Variants in ACSL4 observed in about 807,000 individuals in gnomAD.
The protein encoded by ACSL4 is acyl-CoA synthetase long chain family member 4, also known as long-chain-fatty-acid--CoA ligase 4.
Under a neutral mutation model 49.1 loss-of-function variants are expected in ACSL4, and 9 were observed. The ratio of observed to expected loss-of-function variants is 0.18; its 90% CI spans 0.11 to 0.32. The LOEUF (loss-of-function observed/expected upper bound fraction) is 0.32, where lower values mean the gene tolerates loss of function less well. Among genes scored for constraint, ACSL4 ranks in the 10% least tolerant of loss-of-function variants. The pLI is 1.00. For missense variants in ACSL4, 333 were observed against 493.7 expected (o/e 0.67, Z 3.08); for synonymous variants, 191 against 170.3 (o/e 1.12, Z -0.95).
intron 11 of ACSL4, among the ~76,000 whole-genome samples, chrX:109,666,534 A>G (rs1922654062): frequency 1.8e-5 from 2 of 111,847 alleles, no homozygotes; most frequent in African/African-American, 6.5e-5. Context: ...ATCAGGTATC[A>G]AGCAGTGGAT....
At position 109,663,258 on chromosome X, in the gene ACSL4, G is replaced by C. The variant is rs1922320696; in HGVS notation, c.1535C>G (p.Thr512Ser). 2 of 1,209,429 alleles carry C rather than the reference G, an allele frequency of 1.7e-6. No individual in the cohort carries two copies. Among genetic ancestry groups the C allele is most frequent in the Non-Finnish European group, 2.2e-6 (2 of 893,716 alleles). The change falls in exon 13 of 16, where the codon ACT becomes AGT. Residue 512 changes from threonine to serine, a missense_variant. Coordinates refer to ENST00000672401, the MANE Select transcript of ACSL4 (RefSeq NM_001318510.2). ...VDENGQRWFC[T>S]GDIGEFHPDG... ...GGGATGGAATTCTCCAATATCACCA[G>C]TGCAAAACCACCTTTGTCCATTTTC...
At chrX:109,654,197 G>A (rs149270559) in intron 15 of ACSL4, among the ~76,000 whole-genome samples, 1,287 of 110,098 alleles carry the variant, frequency 0.012, 12 homozygotes, top group Non-Finnish European at 0.017. Context: ...AAATGATACC[G>A]TAATTTTCTA....
chrX:109,710,561 AAC>A, intron 1 of ACSL4, among the ~76,000 whole-genome samples: 1 of 112,495 alleles, frequency 8.9e-6, no homozygotes, highest in Non-Finnish European at 1.9e-5. Flanking sequence ...TCTCACAAAA[AAC>A]ACACTTGTAT....
At chrX:109,692,925 C>A (rs1166906629) in intron 2 of ACSL4, among the ~76,000 whole-genome samples, 3 of 112,022 alleles carry the variant, frequency 2.7e-5, no homozygotes, top group Non-Finnish European at 5.6e-5. Flanking sequence ...TGTCATCTTA[C>A]ATATTTATTA....
intron 15 of ACSL4, among the ~76,000 whole-genome samples, chrX:109,649,218 G>A (rs747538694): frequency 9.0e-6 from 1 of 111,599 alleles, no homozygotes; most frequent in Non-Finnish European, 1.9e-5. Context: ...GCATCGCCAA[G>A]TCAATCCTAA....
chrX:109,700,740 A>G (rs909278234), intron 1 of ACSL4, among the ~76,000 whole-genome samples: 1 of 111,159 alleles, frequency 9.0e-6, no homozygotes, highest in Non-Finnish European at 1.9e-5. Context: ...AACTTTTTTA[A>G]AAAGTTTTTT....
chrX:109,681,342 G>T lies in ACSL4; in HGVS notation c.440C>A (p.Ala147Glu). ...VTLYATLGKE[A>E]VVHGLNESEA... ...AGATTCATTTAGCCCATGAACTACT[G>T]CTTCTTTGCCAAGTGTGGCATATAA... is the stretch of plus-strand genomic sequence containing the variant. The change falls in exon 5 of 16, where the codon GCA becomes GAA. Residue 147 changes from alanine (A) to glutamate (E), a missense_variant. Physicochemically the swap from Ala to Glu is moderately radical, Grantham distance 107 (BLOSUM62 -1). Transcript: ENST00000672401. 1 of 1,209,070 alleles carries T rather than the reference G, an allele frequency of 8.3e-7. No individual in the cohort carries two copies. Among genetic ancestry groups the T allele is most frequent in the Non-Finnish European group, 1.1e-6 (1 of 893,657 alleles).
At chrX:109,657,835 CA>C (rs1921818660) in intron 15 of ACSL4, among the ~76,000 whole-genome samples, 2 of 111,629 alleles carry the variant, frequency 1.8e-5, no homozygotes, top group Admixed American at 1.9e-4. Context: ...GTCCCACCAA[CA>C]GTGTAAAAGT....
chrX:109,695,128 C>T (rs113074176), intron 2 of ACSL4, among the ~76,000 whole-genome samples: 2,370 of 110,207 alleles, frequency 0.022, 75 homozygotes, highest in African/African-American at 0.074. Flanking sequence ...GGGAGAATCA[C>T]GAGGTCAGGA....
rs55691591 is a variant in ACSL4 at position 109,675,826 on chromosome X, C to G, written c.931-1353G>C. Among the ~76,000 whole-genome samples, 203 of 112,420 alleles carry G rather than the reference C, an allele frequency of 1.8e-3. 1 individual carries two copies. Among genetic ancestry groups the G allele is most frequent in the South Asian group, 9.2e-3 (25 of 2,729 alleles). On this transcript the variant is annotated intron_variant, in intron 8 of 15. Transcript: ENST00000672401. ...TTTGTTTTAGAGTTTAAGCCTTAGT[C>G]TTATTGATAGGTCTACTTTGATTTC...
chrX:109,671,612 G>A (rs926350290), intron 9 of ACSL4, among the ~76,000 whole-genome samples: 2 of 112,728 alleles, frequency 1.8e-5, no homozygotes, highest in Admixed American at 9.3e-5. Flanking sequence ...CCATGATGAC[G>A]ATGGCGGTTT....
intron 13 of ACSL4, 41 bp downstream of exon 13, chrX:109,663,170 T>C (rs1383966664): frequency 1.1e-5 from 12 of 1,109,624 alleles, no homozygotes; most frequent in Middle Eastern, 2.5e-4. Context: ...ATACTGAAGT[T>C]ATAAAAACTA....
chrX:109,661,602 T>C lies in ACSL4; in HGVS notation c.1626A>G (p.Val542=), dbSNP rs1332466810. Residue 542 remains valine (V), a synonymous_variant, in exon 14 of 16, where the codon GTA becomes GTG. Coordinates refer to ENST00000672401, the MANE Select transcript of ACSL4 (RefSeq NM_001318510.2). The part of the protein sequence containing the change: ...DLVKLQAGEY[V]SLGKVEAALK... Reference sequence around the variant, plus strand: ...GTGCAGCTTCTACTTTCCCAAGAGATACATACTCTCCTGCTTGTAACTTCA... The same window carrying C: ...GTGCAGCTTCTACTTTCCCAAGAGACACATACTCTCCTGCTTGTAACTTCA... The C allele has an allele frequency of 1.5e-5, 18 of 1,204,315 alleles. 1 individual carries two copies. The highest frequency in any genetic ancestry group is 2.0e-5 in the Non-Finnish European group (18 of 890,447).
At chrX:109,730,460 T>A (rs1015595355) in intron 1 of ACSL4, among the ~76,000 whole-genome samples, 2 of 111,953 alleles carry the variant, frequency 1.8e-5, no homozygotes, top group Admixed American at 1.9e-4. Context: ...GAATTTTGTT[T>A]GTCCTTGATT....
intron 15 of ACSL4, among the ~76,000 whole-genome samples, chrX:109,644,693 C>T (rs556043462): frequency 1.8e-5 from 2 of 112,436 alleles, no homozygotes; most frequent in Non-Finnish European, 3.8e-5. Context: ...TGGCCAAATA[C>T]GAACAGCTCT....
intron 2 of ACSL4, among the ~76,000 whole-genome samples, chrX:109,684,203 G>A (rs1924410756): frequency 8.9e-6 from 1 of 112,171 alleles, no homozygotes; most frequent in Non-Finnish European, 1.9e-5. Flanking sequence ...AAATTTCTCA[G>A]GTAATGCTAT....
At chrX:109,648,315 G>T (rs1356594269) in intron 15 of ACSL4, among the ~76,000 whole-genome samples, 1 of 111,423 alleles carries the variant, frequency 9.0e-6, no homozygotes, top group African/African-American at 3.3e-5. Context: ...ATATCAAAAA[G>T]CTTATCCACC....
At chrX:109,728,930 G>A (rs1203704387) in intron 1 of ACSL4, among the ~76,000 whole-genome samples, 2 of 111,361 alleles carry the variant, frequency 1.8e-5, no homozygotes, top group Non-Finnish European at 3.8e-5. Flanking sequence ...GAATAAAAAG[G>A]CCAGGGGCGG....
intron 1 of ACSL4, among the ~76,000 whole-genome samples, chrX:109,716,626 A>G (rs1167345370): frequency 2.7e-5 from 3 of 112,469 alleles, no homozygotes; most frequent in Non-Finnish European, 3.8e-5. Context: ...CCACTGTGGA[A>G]CACAGCCAAC....
Sources: allele counts gnomAD v4.1 joint callset (sites outside exome capture counted in the v4.1 genomes callset), GRCh38; gene constraint gnomAD v4.1.1; transcripts MANE v1.5; gene names NCBI Gene and HGNC (gene_info 2026-07-23, HGNC 2026-07-21).